The following GNG7 variants were observed in gnomAD, a reference collection of about 807,000 sequenced individuals.
GNG7 encodes the protein G protein subunit gamma 7.
Under a neutral mutation model 4.0 loss-of-function variants are expected in GNG7, and 1 was observed. The ratio of observed to expected loss-of-function variants is 0.25; its 90% CI spans 0.09 to 1.18. The LOEUF (loss-of-function observed/expected upper bound fraction) is 1.18, where lower values mean the gene tolerates loss of function less well. Ranked by LOEUF, GNG7 falls within the 50% of genes most tolerant of loss-of-function variation. The pLI, the probability that GNG7 is intolerant of heterozygous loss-of-function variation, is 0.50. For missense variants in GNG7, 86 were observed against 91.9 expected (o/e 0.94, Z 0.26); for synonymous variants, 34 against 36.9 (o/e 0.92, Z 0.29).
chr19:2,619,688 T>C (rs1165273067), intron 2 of GNG7, among the ~76,000 whole-genome samples: 5 of 152,098 alleles, frequency 3.3e-5, no homozygotes, highest in Non-Finnish European at 5.9e-5. Context: ...CAGTGTGTGA[T>C]CCCATTTCTA....
intron 2 of GNG7, among the ~76,000 whole-genome samples, chr19:2,584,915 A>AGAAG (rs1266768801): frequency 8.5e-5 from 1 of 11,794 alleles, no homozygotes; most frequent in Admixed American, 1.0e-3. Context: ...AAGGAAGGAA[A>AGAAG]GAAGGAAGGA....
intron 2 of GNG7, among the ~76,000 whole-genome samples, chr19:2,608,596 C>T (rs887466797): frequency 3.3e-5 from 5 of 152,226 alleles, no homozygotes; most frequent in Admixed American, 2.6e-4. Flanking sequence ...TGGAGGAGCT[C>T]CCCTGGCTGC....
Position 2,671,695 on chromosome 19 carries a change from C to A in GNG7, c.-134-25415G>T, listed in dbSNP as rs370519172. On this transcript the variant is annotated intron_variant, in intron 1 of 4. Coordinates refer to ENST00000382159, the MANE Select transcript of GNG7 (RefSeq NM_052847.3). ...CTCCTGCCCCAGTGGGTGTGAAGCC[C>A]AATGTCATCAGCTCCTCCAACTACT... Among the ~76,000 whole-genome samples, 10 of 152,260 alleles carry A rather than the reference C, an allele frequency of 6.6e-5. No homozygotes were observed. The South Asian group carries it at 8.3e-4, about 13-fold the overall frequency.
intron 2 of GNG7, among the ~76,000 whole-genome samples, chr19:2,603,892 C>A (rs1293393072): frequency 6.6e-6 from 1 of 151,682 alleles, no homozygotes; most frequent in African/African-American, 2.4e-5. Flanking sequence ...GCTCTGTCAC[C>A]CAGGCTGGAG....
At chr19:2,604,543 GGGAA>G (rs1056184520) in intron 2 of GNG7, among the ~76,000 whole-genome samples, 9 of 138,538 alleles carry the variant, frequency 6.5e-5, no homozygotes, top group African/African-American at 1.9e-4. Flanking sequence ...GAGCGAGGGA[GGGAA>G]GGAAGGAAGG....
intron 2 of GNG7, chr19:2,610,145 A>C (rs900069540): frequency 6.7e-6 from 1 of 149,424 alleles, no homozygotes; most frequent in Non-Finnish European, 1.5e-5. Context: ...GACCTTCTTT[A>C]TTTATTATTA....
intron 1 of GNG7, among the ~76,000 whole-genome samples, chr19:2,662,336 T>C (rs1227526187): frequency 3.3e-5 from 5 of 151,114 alleles, no homozygotes; most frequent in African/African-American, 1.2e-4. Flanking sequence ...ACACACCAGC[T>C]AGCTGTCCCC....
chr19:2,568,457 T>C (rs111067219), intron 2 of GNG7, among the ~76,000 whole-genome samples: 9,626 of 54,792 alleles, frequency 0.18, 377 homozygotes, highest in East Asian at 0.35. Context: ...TACATATACA[T>C]ACACACACAC....
intron 3 of GNG7, among the ~76,000 whole-genome samples, chr19:2,528,163 C>G (rs1310971199): frequency 6.6e-6 from 1 of 150,972 alleles, no homozygotes; most frequent in Admixed American, 6.6e-5. Flanking sequence ...TCTAGCTACT[C>G]AGGAGGCTGA....
At chr19:2,561,033 C>T (rs933675304) in intron 2 of GNG7, among the ~76,000 whole-genome samples, 19 of 152,098 alleles carry the variant, frequency 1.2e-4, no homozygotes, top group African/African-American at 4.1e-4. Context: ...AATAAGCTCC[C>T]GATGGGGCAG....
chr19:2,655,859 A>T (rs1471520241), intron 1 of GNG7, among the ~76,000 whole-genome samples: 7 of 133,768 alleles, frequency 5.2e-5, no homozygotes, highest in African/African-American at 2.0e-4. Flanking sequence ...AAAAAAAAAA[A>T]ATACATATAT....
At chr19:2,552,853 C>A (rs540026536) in intron 3 of GNG7, among the ~76,000 whole-genome samples, 5 of 134,546 alleles carry the variant, frequency 3.7e-5, no homozygotes, top group African/African-American at 1.4e-4. Flanking sequence ...CCGGCTCCAC[C>A]CCCCCCACCT....
At chr19:2,640,067 AG>A (rs1982460372) in intron 2 of GNG7, among the ~76,000 whole-genome samples, 1 of 84,716 alleles carries the variant, frequency 1.2e-5, no homozygotes. Context: ...GGAGGGAGGG[AG>A]AGAGGGAAGG....
intron 3 of GNG7, among the ~76,000 whole-genome samples, chr19:2,526,476 A>T (rs1049477759): frequency 2.0e-5 from 3 of 147,656 alleles, no homozygotes; most frequent in African/African-American, 4.9e-5. Flanking sequence ...ATATTTATAT[A>T]TTTTATTATA....
At chr19:2,662,485 C>A (rs1983206888) in intron 1 of GNG7, among the ~76,000 whole-genome samples, 1 of 152,156 alleles carries the variant, frequency 6.6e-6, no homozygotes, top group Non-Finnish European at 1.5e-5. Flanking sequence ...GCCTCCAGAA[C>A]TTCCAACTGA....
chr19:2,629,269 T>G (rs1002025510), intron 2 of GNG7, among the ~76,000 whole-genome samples: 1 of 152,190 alleles, frequency 6.6e-6, no homozygotes, highest in Admixed American at 6.5e-5. Context: ...TGGAAAGAAC[T>G]CCAAATGTCC....
rs1019531444 is a variant in GNG7, at chr19:2,557,485, C to G, written c.-77-2297G>C. On this transcript the variant is annotated intron_variant, in intron 2 of 4. Coordinates refer to ENST00000382159, the MANE Select transcript of GNG7 (RefSeq NM_052847.3). The surrounding 1 kb of genome is among the most constrained non-coding windows in gnomAD (Gnocchi z 5.1). ...AACGAGGGGCTGCAGGACTTTTCCT[C>G]CTCCTGCCCAAAGGCACCTGCACTC... is the stretch of plus-strand genomic sequence containing the variant. 6.6e-6 allele frequency among the ~76,000 whole-genome samples: 1 copy of G among 152,244 alleles called. No individual in the cohort carries two copies. The highest frequency in any genetic ancestry group is 1.5e-5 in the Non-Finnish European group (1 of 68,044).
chr19:2,601,023 T>A (rs992172343), intron 2 of GNG7, among the ~76,000 whole-genome samples: 2 of 152,100 alleles, frequency 1.3e-5, no homozygotes, highest in African/African-American at 4.8e-5. Flanking sequence ...TGCTCCCAGC[T>A]ACTTGGGAGG....
intron 1 of GNG7, among the ~76,000 whole-genome samples, chr19:2,665,879 T>G (rs926203031): frequency 3.3e-5 from 5 of 152,216 alleles, no homozygotes; most frequent in African/African-American, 1.2e-4. Context: ...TTATTTTACT[T>G]ATTTTTTGAG....
Sources: gnomAD v4.1 joint callset for allele counts (sites outside exome capture counted in the v4.1 genomes callset) on GRCh38, gnomAD v4.1.1 for gene constraint, Gnocchi (gnomAD v3.1) non-coding constraint, MANE v1.5 for transcripts, NCBI Gene and HGNC (gene_info 2026-07-23, HGNC 2026-07-21) for gene names.